DIS3L2: variants seen among roughly 807,000 people sequenced by gnomAD.
DIS3L2 encodes DIS3-like exonuclease 2.
Under a neutral mutation model 97.5 loss-of-function variants are expected in DIS3L2, and 34 were observed. That is an observed-to-expected ratio of 0.35 (90% CI 0.27 to 0.46). The LOEUF is 0.46. Ranked by LOEUF, DIS3L2 falls within the 20% of genes least tolerant of loss-of-function variation. DIS3L2 has a pLI of 1.00. For synonymous variants in DIS3L2, 435 were observed against 445.2 expected, an observed-to-expected ratio of 0.98 and a Z score of 0.29; for missense variants, 1,038 against 1,146.0, an observed-to-expected ratio of 0.91 and a Z score of 1.36.
chr2:232,223,768 A>G (rs998492131), intron 10 of DIS3L2, among the ~76,000 whole-genome samples: 5 of 152,196 alleles, frequency 3.3e-5, no homozygotes, highest in African/African-American at 1.2e-4. Flanking sequence ...TGTTTAGTGA[A>G]AGTTATTATT....
intron 6 of DIS3L2, among the ~76,000 whole-genome samples, chr2:232,088,626 A>T (rs1419813288): frequency 1.3e-5 from 2 of 152,016 alleles, no homozygotes; most frequent in African/African-American, 4.8e-5. Context: ...TTTTATAAAC[A>T]AATAGCCTTA....
At chr2:232,283,746 G>A (rs545101618) in intron 13 of DIS3L2, among the ~76,000 whole-genome samples, 1 of 152,318 alleles carries the variant, frequency 6.6e-6, no homozygotes, top group Non-Finnish European at 1.5e-5. Context: ...GATTTATAGA[G>A]AAGGAGAACA....
At chr2:231,985,717 A>G (rs1450922754) in intron 1 of DIS3L2, among the ~76,000 whole-genome samples, 1 of 152,204 alleles carries the variant, frequency 6.6e-6, no homozygotes, top group East Asian at 1.9e-4. Flanking sequence ...CTTGAGAGTA[A>G]ATTTGACTAC....
intron 14 of DIS3L2, among the ~76,000 whole-genome samples, chr2:232,317,762 A>G (rs1023070462): frequency 3.3e-5 from 5 of 152,028 alleles, no homozygotes; most frequent in Non-Finnish European, 7.4e-5. Flanking sequence ...TTACACCTCT[A>G]ATTGTCTCTG....
At chr2:232,103,315 A>C (rs547065056) in intron 6 of DIS3L2, among the ~76,000 whole-genome samples, 131 of 152,264 alleles carry the variant, frequency 8.6e-4, no homozygotes, top group Non-Finnish European at 1.4e-3. Context: ...TCCAGACTTT[A>C]ATGGGAATGC....
At chr2:232,300,244 T>C (rs1694821257) in intron 14 of DIS3L2, 125 bp downstream of exon 14, 2 of 809,704 alleles carry the variant, frequency 2.5e-6, no homozygotes, top group South Asian at 1.7e-5. Flanking sequence ...TTTACTACTA[T>C]ACTAGAAAAT....
intron 3 of DIS3L2, among the ~76,000 whole-genome samples, chr2:232,022,126 C>T (rs1237595737): frequency 2.0e-5 from 3 of 152,196 alleles, no homozygotes; most frequent in Non-Finnish European, 1.5e-5. Context: ...TTGTTTTTGA[C>T]AGACTTAAAT....
intron 6 of DIS3L2, among the ~76,000 whole-genome samples, chr2:232,129,073 G>A (rs779900430): frequency 1.3e-5 from 2 of 152,100 alleles, no homozygotes; most frequent in Non-Finnish European, 2.9e-5. Flanking sequence ...TTGAACAGCC[G>A]ACTTGCTGTT....
chr2:232,095,779 G>A lies in DIS3L2; in HGVS notation c.601+8058G>A, dbSNP rs374712262. On this transcript the variant is annotated intron_variant, in intron 6 of 20. Coordinates refer to ENST00000325385, the MANE Select transcript of DIS3L2 (RefSeq NM_152383.5). ...TGATGAAGTCCTTCAGCTTTTGTTTGTCTGGGAAAGTCTTTATTTCTCCTT... is the reference window on the plus strand; with the variant it reads ...TGATGAAGTCCTTCAGCTTTTGTTTATCTGGGAAAGTCTTTATTTCTCCTT... 2.6e-5 allele frequency among the ~76,000 whole-genome samples: 4 copies of A among 151,998 alleles called. No individual in the cohort carries two copies. The South Asian group carries it at 8.3e-4, about 31-fold the overall frequency.
At chr2:232,170,916 G>A (rs188030190) in intron 9 of DIS3L2, among the ~76,000 whole-genome samples, 2 of 152,234 alleles carry the variant, frequency 1.3e-5, no homozygotes, top group East Asian at 3.9e-4. Flanking sequence ...ACCTCTTTCA[G>A]GTCAACCCTT....
At chr2:232,245,431 A>G (rs1383758025) in intron 11 of DIS3L2, among the ~76,000 whole-genome samples, 1 of 152,202 alleles carries the variant, frequency 6.6e-6, no homozygotes, top group Non-Finnish European at 1.5e-5. Flanking sequence ...GCACATTCAC[A>G]GTGACCCTGG....
intron 14 of DIS3L2, among the ~76,000 whole-genome samples, chr2:232,305,648 G>GT (rs543870702): frequency 1.7e-4 from 26 of 152,046 alleles, no homozygotes; most frequent in Admixed American, 1.6e-3. Flanking sequence ...CTTGCAACTT[G>GT]TTTTTTTATC....
intron 14 of DIS3L2, among the ~76,000 whole-genome samples, chr2:232,324,664 G>A (rs1575019514): frequency 6.6e-6 from 1 of 152,296 alleles, no homozygotes; most frequent in East Asian, 1.9e-4. Flanking sequence ...GGGTAGGGGA[G>A]GCAGAAGAAA....
intron 10 of DIS3L2, among the ~76,000 whole-genome samples, chr2:232,213,277 G>A (rs1204674959): frequency 2.0e-5 from 3 of 152,094 alleles, no homozygotes; most frequent in South Asian, 2.1e-4. Context: ...GAAATCACAG[G>A]CCGCTCAGTA....
chr2:232,157,742 T>C (rs1468977547), intron 8 of DIS3L2, among the ~76,000 whole-genome samples: 2 of 152,326 alleles, frequency 1.3e-5, no homozygotes, highest in African/African-American at 4.8e-5. Context: ...AGTTGGTTGC[T>C]GCTGCTGGCA....
intron 6 of DIS3L2, among the ~76,000 whole-genome samples, chr2:232,094,223 T>G (rs1696931574): frequency 6.6e-6 from 1 of 152,218 alleles, no homozygotes; most frequent in Non-Finnish European, 1.5e-5. Context: ...TTAAGGCTTG[T>G]TTTGTGATCT....
At chr2:231,965,179 T>A (rs1005002027) in intron 1 of DIS3L2, among the ~76,000 whole-genome samples, 1 of 152,250 alleles carries the variant, frequency 6.6e-6, no homozygotes, top group Non-Finnish European at 1.5e-5. Context: ...TAGGTTTATA[T>A]GAAACACCAC....
chr2:232,298,709 C>T (rs1049914025), intron 13 of DIS3L2, among the ~76,000 whole-genome samples: 2 of 152,184 alleles, frequency 1.3e-5, no homozygotes, highest in African/African-American at 4.8e-5. Context: ...AATAATGTAT[C>T]CTCCTAATGT....
intron 10 of DIS3L2, among the ~76,000 whole-genome samples, chr2:232,229,917 ACCTTTGGGGAGACCTAAGAAGTCAT>A (rs1297538883): frequency 6.6e-6 from 1 of 152,062 alleles, no homozygotes; most frequent in South Asian, 2.1e-4. Context: ...TCAAATCCTG[ACCTTTGGGGAGACCTAAGAAGTCAT>A]CCTATGCTAC....
Sources: allele counts gnomAD v4.1 joint callset (sites outside exome capture counted in the v4.1 genomes callset), GRCh38; gene constraint gnomAD v4.1.1; transcripts MANE v1.5; gene names NCBI Gene and HGNC (gene_info 2026-07-23, HGNC 2026-07-21).